PRKCQ: variants seen among roughly 807,000 people sequenced by gnomAD.
The protein encoded by PRKCQ is protein kinase C theta.
Under a neutral mutation model 91.2 loss-of-function variants are expected in PRKCQ, and 41 were observed. The ratio of observed to expected loss-of-function variants is 0.45; its 90% confidence interval spans 0.35 to 0.58. PRKCQ has a LOEUF of 0.58. Among genes scored for constraint, PRKCQ ranks in the 20% least tolerant of loss-of-function variants. The pLI, the probability that PRKCQ is intolerant of heterozygous loss-of-function variation, is 0.00. For missense variants in PRKCQ, 673 were observed against 896.5 expected (o/e 0.75, Z 3.18); for synonymous variants, 307 against 316.9 (o/e 0.97, Z 0.33).
chr10:6,572,440 T>C (rs566778801), intron 1 of PRKCQ, among the ~76,000 whole-genome samples: 6 of 152,318 alleles, frequency 3.9e-5, no homozygotes, highest in Non-Finnish European at 8.8e-5. Flanking sequence ...TGTGTCCACA[T>C]GTTCTCATTA....
upstream of PRKCQ, chr10:6,580,467 C>G (rs1841440517): frequency 6.6e-6 from 1 of 152,082 alleles, no homozygotes; most frequent in Non-Finnish European, 1.5e-5. Context: ...CGCCCCCGGT[C>G]CCGCGCCCAG....
intron 1 of PRKCQ, among the ~76,000 whole-genome samples, chr10:6,525,393 C>T (rs1296333991): frequency 6.6e-6 from 1 of 152,168 alleles, no homozygotes; most frequent in African/African-American, 2.4e-5. Flanking sequence ...GCCTGATCAA[C>T]ATGGCTAAAC....
chr10:6,480,313 A>C (rs1437956576), intron 11 of PRKCQ, among the ~76,000 whole-genome samples: 1 of 152,186 alleles, frequency 6.6e-6, no homozygotes, highest in African/African-American at 2.4e-5. Flanking sequence ...AACAACAAAC[A>C]CTGAGTTCAA....
intron 13 of PRKCQ, 65 bp downstream of exon 13, chr10:6,464,247 GA>G (rs199923014): frequency 3.8e-5 from 54 of 1,413,022 alleles, no homozygotes; most frequent in Admixed American, 1.4e-4. Flanking sequence ...GGGAAAAAAG[GA>G]AAAAAAAACC....
rs768802206 is a variant in PRKCQ, at chr10:6,498,530, C to T, written c.408G>A (p.Thr136=). The T allele has an allele frequency of 1.9e-5, 30 of 1,613,922 alleles. No individual in the cohort carries two copies. Among genetic ancestry groups the T allele is most frequent in the African/African-American group, 1.1e-4 (8 of 74,892 alleles). ...GCTGATGCAAAGCAAAGAAGCCTTC[C>T]GTCTCAAATTCATTCATGTCCTTTG... ...SDTKDMNEFE[T]EGFFALHQRR... The change falls in exon 5 of 18, where the codon ACG becomes ACA. Residue 136 remains threonine (T), a synonymous_variant. Coordinates refer to ENST00000263125, the MANE Select transcript of PRKCQ (RefSeq NM_006257.5).
intron 15 of PRKCQ, among the ~76,000 whole-genome samples, chr10:6,447,513 T>G (rs537214017): frequency 4.6e-4 from 70 of 152,066 alleles, no homozygotes; most frequent in Non-Finnish European, 8.4e-4. Context: ...TTTGCTCCTA[T>G]TATAGGAACA....
chr10:6,517,636 G>A (rs11259358), intron 1 of PRKCQ, among the ~76,000 whole-genome samples: 1 of 102,400 alleles, frequency 9.8e-6, no homozygotes, highest in African/African-American at 3.8e-5. Flanking sequence ...ACCTTTCCCA[G>A]ATTTAGGGAT....
At position 6,483,560 on chromosome 10, in the gene PRKCQ, C is replaced by T. The variant is rs768071909; in HGVS notation, c.1059G>A (p.Val353=). 2 of 1,614,136 alleles carry T rather than the reference C, an allele frequency of 1.2e-6. No homozygotes were observed. Among genetic ancestry groups the T allele is most frequent in the Non-Finnish European group, 1.7e-6 (2 of 1,180,024 alleles). ...GTTCTGGAAGATGGCACATTTTATC[C>T]ACCTCATCCAACGGAGACTCCCAGG... ...GISWESPLDE[V]DKMCHLPEPE... Residue 353 remains valine (V), a synonymous_variant, in exon 11 of 18, where the codon GTG becomes GTA. Coordinates refer to ENST00000263125, the MANE Select transcript of PRKCQ (RefSeq NM_006257.5).
In PRKCQ at chr10:6,515,082, C is replaced by G; in HGVS notation, c.54G>C (p.Gln18His). The G allele has an allele frequency of 6.2e-7, 1 of 1,613,906 alleles. No individual in the cohort carries two copies. The highest frequency in any genetic ancestry group is 1.7e-5 in the Admixed American group (1 of 59,946). ...GLSNFDCGSCQSCQGEAVNPY... is the reference protein window; with the variant it reads ...GLSNFDCGSCHSCQGEAVNPY... ...GGTTAACAGCCTCGCCCTGACAAGA[C>G]TGGCAGGACCCGCAGTCAAAGTTGG... Residue 18 changes from glutamine (Q) to histidine (H), a missense_variant, in exon 2 of 18, where the codon CAG (glutamine) becomes CAC (histidine). Gln to His is a conservative substitution (Grantham distance 24). Transcript: ENST00000263125.
chr10:6,560,119 TA>T (rs1028723324), intron 1 of PRKCQ, among the ~76,000 whole-genome samples: 1 of 152,200 alleles, frequency 6.6e-6, no homozygotes, highest in Middle Eastern at 3.2e-3. Flanking sequence ...AGTGACTGAA[TA>T]AAACCCAGCT....
At position 6,511,295 on chromosome 10, in the gene PRKCQ, T is replaced by C. The variant is rs1185332373; in HGVS notation, c.119-101A>G. The C allele has an allele frequency of 4.4e-6, 5 of 1,125,776 alleles. No homozygotes were observed. The East Asian group carries it at 9.5e-5, about 21-fold the overall frequency. 69.7% of individuals were successfully genotyped at this position (1,125,776 alleles called of 1,614,324 possible). A position where few individuals can be genotyped will look rare whatever the true frequency, so the allele number is the denominator to read the frequency against. ...CACCTGCTCCCTCTGTTCTCTGGGA[T>C]ATAGAATTCTGTTGGGAAGACAAAA... is the stretch of plus-strand genomic sequence containing the variant. On this transcript the variant is annotated intron_variant, in intron 2 of 17. Coordinates refer to ENST00000263125, the MANE Select transcript of PRKCQ (RefSeq NM_006257.5).
chr10:6,462,235 C>G, intron 14 of PRKCQ, 68 bp downstream of exon 14: 1 of 1,421,512 alleles, frequency 7.0e-7, no homozygotes, highest in Non-Finnish European at 9.9e-7. Flanking sequence ...GCACTCGGTG[C>G]AATGATTAAA....
intron 15 of PRKCQ, among the ~76,000 whole-genome samples, chr10:6,455,188 T>C (rs1361934501): frequency 6.6e-6 from 1 of 152,180 alleles, no homozygotes; most frequent in African/African-American, 2.4e-5. Flanking sequence ...AGTAATTGAG[T>C]TGAGTCCGTC....
At chr10:6,472,338 T>C (rs1564329073) in intron 12 of PRKCQ, among the ~76,000 whole-genome samples, 1 of 151,964 alleles carries the variant, frequency 6.6e-6, no homozygotes, top group Non-Finnish European at 1.5e-5. Flanking sequence ...AAAGCAGGCA[T>C]GTAGGAAAGA....
intron 12 of PRKCQ, among the ~76,000 whole-genome samples, chr10:6,477,332 T>C (rs1447730624): frequency 1.3e-5 from 2 of 152,246 alleles, no homozygotes; most frequent in African/African-American, 4.8e-5. Context: ...CAGCATATGC[T>C]CAGTAAGTGC....
At chr10:6,395,628 C>G in the PRKCQ span, among the ~76,000 whole-genome samples, 4 of 152,026 alleles carry the variant, frequency 2.6e-5, no homozygotes, top group Non-Finnish European at 5.9e-5. Flanking sequence ...CAGTCTAGTC[C>G]CCAGGTAAGA....
rs1359466095 is a variant in PRKCQ, at chr10:6,536,234, A to G, written c.-9-21090T>C. Among the ~76,000 whole-genome samples, 3 of 152,168 alleles carry G rather than the reference A, an allele frequency of 2.0e-5. No homozygotes were observed. In the East Asian group the frequency reaches 5.8e-4, roughly 29 times the overall value. On this transcript the variant is annotated intron_variant, in intron 1 of 17. Transcript: ENST00000263125. ...GGTGGTCCCAGACACAGATTCCTTC[A>G]ATGTCCCTTTGCTGAGGGGTATAAC...
At chr10:6,474,640 C>T (rs1376655217) in intron 12 of PRKCQ, among the ~76,000 whole-genome samples, 2 of 152,162 alleles carry the variant, frequency 1.3e-5, no homozygotes, top group Non-Finnish European at 2.9e-5. Flanking sequence ...TTTACTGCAG[C>T]ATAACTAAAA....
At chr10:6,456,572 G>C (rs1588687577) in intron 15 of PRKCQ, 102 bp downstream of exon 15, 1 of 1,431,040 alleles carries the variant, frequency 7.0e-7, no homozygotes, top group Non-Finnish European at 9.4e-7. Context: ...TACAAATCTT[G>C]AATGAAGATA....
Sources: gnomAD v4.1 joint callset for allele counts (sites outside exome capture counted in the v4.1 genomes callset) on GRCh38, gnomAD v4.1.1 for gene constraint, MANE v1.5 for transcripts, NCBI Gene and HGNC (gene_info 2026-07-23, HGNC 2026-07-21) for gene names.